SESN1: variants seen among roughly 807,000 people sequenced by gnomAD.
SESN1 encodes sestrin-1.
SESN1 carries 30 observed loss-of-function variants against 59.3 expected under a neutral mutation model. That is an observed-to-expected ratio of 0.51 (90% CI 0.38 to 0.69). The LOEUF (loss-of-function observed/expected upper bound fraction) is 0.69, where lower values mean the gene tolerates loss of function less well. Ranked by LOEUF, SESN1 falls within the 30% of genes least tolerant of loss-of-function variation. SESN1 has a pLI of 0.00. For missense variants in SESN1, 566 were observed against 673.0 expected, an observed-to-expected ratio of 0.84 and a Z score of 1.76; for synonymous variants, 197 against 219.9, an observed-to-expected ratio of 0.90 and a Z score of 0.92.
chr6:109,071,207 G>A (rs1290318729), intron 1 of SESN1, among the ~76,000 whole-genome samples: 9 of 152,090 alleles, frequency 5.9e-5, no homozygotes, highest in African/African-American at 2.2e-4. Flanking sequence ...TAACCTACTA[G>A]GGCAGACAGA....
intron 1 of SESN1, among the ~76,000 whole-genome samples, chr6:109,032,327 GA>G (rs1394092197): frequency 6.6e-6 from 1 of 151,628 alleles, no homozygotes; most frequent in East Asian, 1.9e-4. Context: ...CCCTGTACAT[GA>G]AAAGGTAAGG....
intron 1 of SESN1, among the ~76,000 whole-genome samples, chr6:109,012,601 A>G (rs1779877138): frequency 6.6e-6 from 1 of 152,204 alleles, no homozygotes; most frequent in African/African-American, 2.4e-5. Context: ...CCTGAAGGAA[A>G]AAGACACCTG....
intron 1 of SESN1, among the ~76,000 whole-genome samples, chr6:109,089,065 T>A (rs1371538217): frequency 6.6e-6 from 1 of 152,324 alleles, no homozygotes; most frequent in Non-Finnish European, 1.5e-5. Flanking sequence ...GTCCATTTTT[T>A]TTTTTTTTAA....
intron 4 of SESN1, chr6:109,000,233 G>T (rs1249955443): frequency 1.7e-5 from 5 of 286,850 alleles, no homozygotes; most frequent in Non-Finnish European, 3.2e-5. Flanking sequence ...CGTGACATTA[G>T]GCATTTGTCA....
chr6:109,018,732 C>T (rs149741102), intron 1 of SESN1, among the ~76,000 whole-genome samples: 4 of 152,270 alleles, frequency 2.6e-5, no homozygotes, highest in African/African-American at 9.6e-5. Flanking sequence ...AGTTTAACTG[C>T]AGCGTATCTT....
At chr6:109,017,452 A>T (rs1374640955) in intron 1 of SESN1, among the ~76,000 whole-genome samples, 1 of 151,840 alleles carries the variant, frequency 6.6e-6, no homozygotes, top group Non-Finnish European at 1.5e-5. Context: ...CACCCAGCTA[A>T]TTTTTTGTAT....
At position 109,001,326 on chromosome 6, in the gene SESN1, G is replaced by C; in HGVS notation, c.508C>G (p.Pro170Ala). 6.2e-7 allele frequency: 1 copy of C among 1,613,774 alleles called. No individual in the cohort carries two copies. The highest frequency in any genetic ancestry group is 8.5e-7 in the Non-Finnish European group (1 of 1,179,744). ...TAGTGACGATAATGTAGGGGTAACG[G>C]CCCATCCATTTGCAGTAGATAGTGC... ...TQHYLLQMDG[P>A]LPLHYRHYIG... The change falls in exon 3 of 10, where the codon CCG becomes GCG. Residue 170 changes from proline to alanine, a missense_variant. By Grantham distance (27) the Pro-to-Ala change is conservative. Transcript: ENST00000436639.
chr6:109,043,193 C>G (rs527347143), intron 1 of SESN1, among the ~76,000 whole-genome samples: 1 of 152,042 alleles, frequency 6.6e-6, no homozygotes, highest in Non-Finnish European at 1.5e-5. Context: ...GTGGGAGTTA[C>G]CTCAGCTTAA....
chr6:109,027,872 A>G (rs1304107950), intron 1 of SESN1, among the ~76,000 whole-genome samples: 3 of 152,098 alleles, frequency 2.0e-5, no homozygotes, highest in African/African-American at 7.2e-5. Context: ...ACATATATAT[A>G]TATTTGTGAA....
intron 1 of SESN1, among the ~76,000 whole-genome samples, chr6:109,023,787 A>G (rs535204753): frequency 6.6e-6 from 1 of 152,238 alleles, no homozygotes; most frequent in Non-Finnish European, 1.5e-5. Flanking sequence ...AAAATGTAAC[A>G]TTTTATGTAA....
chr6:109,041,751 C>A (rs1780346561), intron 1 of SESN1, among the ~76,000 whole-genome samples: 2 of 152,068 alleles, frequency 1.3e-5, no homozygotes, highest in African/African-American at 2.4e-5. Flanking sequence ...ATAATTATAG[C>A]AGGAGACTTC....
chr6:109,058,265 G>T (rs542792143), intron 1 of SESN1, among the ~76,000 whole-genome samples: 183 of 152,016 alleles, frequency 1.2e-3, no homozygotes, highest in Admixed American at 2.6e-3. Flanking sequence ...TTGTATTTTT[G>T]TAGAGATGGG....
chr6:109,052,179 T>C (rs1385883073), intron 1 of SESN1, among the ~76,000 whole-genome samples: 2 of 152,250 alleles, frequency 1.3e-5, no homozygotes, highest in East Asian at 1.9e-4. Flanking sequence ...GCTTATTTTA[T>C]TATAATCTCA....
intron 7 of SESN1, among the ~76,000 whole-genome samples, chr6:108,992,139 C>A (rs187647684): frequency 6.6e-6 from 1 of 152,282 alleles, no homozygotes; most frequent in Non-Finnish European, 1.5e-5. Context: ...CACTCTGTCA[C>A]CCAGGCTGGA....
At chr6:109,022,661 G>A (rs773254004) in intron 1 of SESN1, among the ~76,000 whole-genome samples, 11 of 151,792 alleles carry the variant, frequency 7.2e-5, no homozygotes, top group South Asian at 2.1e-4. Flanking sequence ...TGATCTGTCC[G>A]CCTCGGCCTC....
chr6:108,987,431 A>G lies in SESN1; in HGVS notation c.*113T>C. On this transcript the variant is annotated 3_prime_UTR_variant, in exon 10 of 10. Transcript: ENST00000436639. Reference sequence around the variant, plus strand: ...TAGCAGAAACTAAAGGAATCATGGCACAATGGATTTCTGAATTATTTTGTC... The same window carrying G: ...TAGCAGAAACTAAAGGAATCATGGCGCAATGGATTTCTGAATTATTTTGTC... 1.7e-6 allele frequency: 1 copy of G among 589,242 alleles called. No homozygotes were observed. Among genetic ancestry groups the G allele is most frequent in the South Asian group, 2.5e-5 (1 of 39,966 alleles). The allele number at this position is 589,242 out of a possible 1,614,324, so 36.5% of individuals were successfully genotyped here. A position where few individuals can be genotyped will look rare whatever the true frequency, so the allele number is the denominator to read the frequency against.
intron 9 of SESN1, among the ~76,000 whole-genome samples, 176 bp from the exon 10 acceptor site, chr6:108,987,806 C>CTTTTTT (rs3029194): frequency 0.15 from 20,051 of 135,068 alleles, 1,794 homozygotes; most frequent in Middle Eastern, 0.23. Flanking sequence ...CAGCAGCTAT[C>CTTTTTT]TTTTTTTTTT....
At chr6:109,082,733 C>T (rs1476321388) in intron 1 of SESN1, among the ~76,000 whole-genome samples, 2 of 152,042 alleles carry the variant, frequency 1.3e-5, no homozygotes, top group South Asian at 2.1e-4. Context: ...CCCTATGACA[C>T]GATGTATTAA....
intron 1 of SESN1, among the ~76,000 whole-genome samples, chr6:109,017,349 A>T (rs956746881): frequency 1.3e-5 from 2 of 152,084 alleles, no homozygotes; most frequent in Non-Finnish European, 2.9e-5. Flanking sequence ...GCAGTGGTGC[A>T]ATCTTGGCTC....
Sources: gnomAD v4.1 joint callset for allele counts (sites outside exome capture counted in the v4.1 genomes callset) on GRCh38, gnomAD v4.1.1 for gene constraint, MANE v1.5 for transcripts, NCBI Gene and HGNC (gene_info 2026-07-23, HGNC 2026-07-21) for gene names.